Variants in DNAJC9 observed in about 807,000 individuals in gnomAD.
DNAJC9 encodes dnaJ homolog subfamily C member 9.
A neutral mutation model predicts 32.4 loss-of-function variants in DNAJC9; 18 were observed. The ratio of observed to expected loss-of-function variants is 0.56; its 90% CI spans 0.38 to 0.82. The LOEUF (loss-of-function observed/expected upper bound fraction) is 0.82, where lower values mean the gene tolerates loss of function less well. Among genes scored for constraint, DNAJC9 ranks in the 40% least tolerant of loss-of-function variants. The pLI, the probability that DNAJC9 is intolerant of heterozygous loss-of-function variation, is 0.00. For synonymous variants in DNAJC9, 113 were observed against 122.1 expected (o/e 0.93, Z 0.49); for missense variants, 310 against 321.8 (o/e 0.96, Z 0.28).
chr10:73,236,725 C>CTTTTCT (rs2043831311), downstream of DNAJC9, among the ~76,000 whole-genome samples: 1 of 135,770 alleles, frequency 7.4e-6, no homozygotes, highest in African/African-American at 2.7e-5. Flanking sequence ...TTTTTCTTTT[C>CTTTTCT]TTTTTTTTTT....
chr10:73,235,177 T>A, downstream of DNAJC9: 6 of 1,551,168 alleles, frequency 3.9e-6, no homozygotes, highest in Non-Finnish European at 5.2e-6. Flanking sequence ...TTCTGTAACT[T>A]TTGTCTCCTC....
intron 4 of DNAJC9, 153 bp downstream of exon 4, chr10:73,243,690 C>T (rs1329525073): frequency 1.8e-6 from 2 of 1,087,230 alleles, no homozygotes; most frequent in African/African-American, 1.6e-5. Flanking sequence ...TTTGTAAATA[C>T]ACTTAAAACC....
chr10:73,232,836 C>A (rs2043736830), intron 2 of DNAJC9: 1 of 678,948 alleles, frequency 1.5e-6, no homozygotes, highest in South Asian at 1.8e-5. Context: ...GCTTTATTTC[C>A]CCCTAAATGT....
At chr10:73,236,711 C>CT (rs576371533), downstream of DNAJC9, among the ~76,000 whole-genome samples, 4 of 148,876 alleles carry the variant, frequency 2.7e-5, no homozygotes, top group African/African-American at 9.9e-5. Context: ...TGTACCCGGC[C>CT]TTTTTTTTCT....
At chr10:73,244,739 C>A (rs1234309768) in intron 3 of DNAJC9, among the ~76,000 whole-genome samples, 2 of 150,464 alleles carry the variant, frequency 1.3e-5, no homozygotes, top group Admixed American at 6.6e-5. Flanking sequence ...GCATTGTTTA[C>A]AAAATATCAC....
downstream of DNAJC9, chr10:73,235,112 T>C (rs2043793330): frequency 6.8e-7 from 1 of 1,475,526 alleles, no homozygotes; most frequent in Non-Finnish European, 9.2e-7. Flanking sequence ...TTACCATATC[T>C]GCCATGGTCG....
intron 2 of DNAJC9, among the ~76,000 whole-genome samples, chr10:73,233,594 T>A: frequency 6.6e-6 from 1 of 152,198 alleles, no homozygotes; most frequent in Non-Finnish European, 1.5e-5. Context: ...TCTGCCTGCC[T>A]CAGTCTCCTA....
At chr10:73,241,113 C>T (rs991662933), downstream of DNAJC9, 2 of 771,522 alleles carry the variant, frequency 2.6e-6, no homozygotes, top group Non-Finnish European at 4.5e-6. Flanking sequence ...TATAGAAGAT[C>T]GACTAGAAAT....
chr10:73,245,342 C>A (rs1412258469), intron 3 of DNAJC9, among the ~76,000 whole-genome samples: 3 of 149,610 alleles, frequency 2.0e-5, no homozygotes, highest in Non-Finnish European at 4.4e-5. Context: ...TCATCCTGAA[C>A]CACCCCCCCA....
chr10:73,237,337 C>T (rs2043843735), downstream of DNAJC9, among the ~76,000 whole-genome samples: 2 of 152,162 alleles, frequency 1.3e-5, no homozygotes. Flanking sequence ...AGAACTTCTA[C>T]TGAATTTGCC....
In DNAJC9 at chr10:73,247,067, C is replaced by T. The variant is rs143607133; in HGVS notation, c.123G>A (p.Gln41=). 2.5e-6 allele frequency: 4 copies of T among 1,588,064 alleles called. No homozygotes were observed. The African/African-American group carries it at 4.0e-5, about 16-fold the overall frequency. The change falls in exon 1 of 5, where the codon CAG becomes CAA. Residue 41 remains glutamine (Q), a synonymous_variant. Transcript: ENST00000372950. ...CCTCACCCACCCGGTCCGGGTGTAC[C>T]TGCAGGGACACCTTGTGGTAGCCTC... ...VRRGYHKVSL[Q]VHPDRVGEGD...
downstream of DNAJC9, chr10:73,235,222 A>G (rs2133409964): frequency 3.9e-6 from 6 of 1,551,718 alleles, no homozygotes; most frequent in African/African-American, 2.7e-5. Context: ...GTCGAGCTCA[A>G]AGTGCGGTGG....
At chr10:73,246,636 T>C (rs2044013014) in intron 2 of DNAJC9, 52 bp downstream of exon 2, 3 of 1,593,884 alleles carry the variant, frequency 1.9e-6, no homozygotes, top group Admixed American at 1.7e-5. Context: ...CAATAAAGGT[T>C]TGTTGATTGA....
chr10:73,240,442 G>A (rs1364968767), downstream of DNAJC9, among the ~76,000 whole-genome samples: 1 of 152,190 alleles, frequency 6.6e-6, no homozygotes, highest in Non-Finnish European at 1.5e-5. Context: ...GCTGGGCGTG[G>A]TGGCTCATGC....
downstream of DNAJC9, among the ~76,000 whole-genome samples, chr10:73,236,412 CCT>C (rs1491153770): frequency 7.5e-5 from 11 of 145,866 alleles, no homozygotes; most frequent in African/African-American, 2.3e-4. Context: ...CCAATTTCTG[CCT>C]TTTTTTTTTT....
At position 73,243,932 on chromosome 10, in the gene DNAJC9, G is replaced by T. The variant is rs757659619; in HGVS notation, c.577-3C>A. The T allele has an allele frequency of 1.2e-6, 2 of 1,613,652 alleles. No homozygotes were observed. The highest frequency in any genetic ancestry group is 4.5e-5 in the East Asian group (2 of 44,860). On this transcript the variant is annotated splice_region_variant and splice_polypyrimidine_tract_variant and intron_variant, in intron 3 of 4. Coordinates refer to ENST00000372950, the MANE Select transcript of DNAJC9 (RefSeq NM_015190.5). ...GCTTCTTTGGCCTCTTCCTGAGCCTGAAACAGGAACTCACATGAGACTCAG... is the reference window on the plus strand; with the variant it reads ...GCTTCTTTGGCCTCTTCCTGAGCCTTAAACAGGAACTCACATGAGACTCAG...
In DNAJC9 at chr10:73,246,652, GGTAACA is replaced by G. The variant is rs1459747701; in HGVS notation, c.321+30_321+35del. 6 of 1,609,826 alleles carry G rather than the reference GGTAACA, an allele frequency of 3.7e-6. 1 individual carries two copies. The African/African-American group carries it at 8.0e-5, about 22-fold the overall frequency. On this transcript the variant is annotated intron_variant, in intron 2 of 4. Transcript: ENST00000372950. ...AATAAAGGTTTGTTGATTGAATGAT[GGTAACA>G]GTCACAAAGAAACCTCCAGAGTCCT...
chr10:73,239,042 C>A, downstream of DNAJC9: 3 of 337,048 alleles, frequency 8.9e-6, no homozygotes, highest in South Asian at 6.1e-5. Flanking sequence ...AATATTAAAC[C>A]ATATGGATTA....
downstream of DNAJC9, chr10:73,235,197 C>T (rs1482450732): frequency 6.4e-7 from 1 of 1,551,560 alleles, no homozygotes; most frequent in Admixed American, 2.0e-5. Context: ...CTGCAGAAAC[C>T]CCATGGCGAC....
Sources: gnomAD v4.1 joint callset for allele counts (sites outside exome capture counted in the v4.1 genomes callset) on GRCh38, gnomAD v4.1.1 for gene constraint, MANE v1.5 for transcripts, NCBI Gene and HGNC (gene_info 2026-07-23, HGNC 2026-07-21) for gene names.